The following ZNF391 variants were observed in gnomAD, a reference collection of about 807,000 sequenced individuals.
ZNF391 encodes the protein zinc finger protein 391.
For synonymous variants in ZNF391, 126 were observed against 142.1 expected, an observed-to-expected ratio of 0.89 and a Z score of 0.80; for missense variants, 375 against 425.5, an observed-to-expected ratio of 0.88 and a Z score of 1.04.
upstream of ZNF391, among the ~76,000 whole-genome samples, chr6:27,384,979 G>A (rs1354570314): frequency 6.7e-6 from 1 of 148,748 alleles, no homozygotes; most frequent in Non-Finnish European, 1.5e-5. Context: ...TCGCGCCACT[G>A]CACTCCAACC....
At chr6:27,395,126 C>T (rs1295951654) in intron 1 of ZNF391, 3 of 151,806 alleles carry the variant, frequency 2.0e-5, no homozygotes, top group African/African-American at 4.8e-5. Flanking sequence ...TGAGCAGTCC[C>T]CTAAAAATAC....
At chr6:27,387,588 T>C (rs1320990967), upstream of ZNF391, among the ~76,000 whole-genome samples, 1 of 152,220 alleles carries the variant, frequency 6.6e-6, no homozygotes. Context: ...TGCTGCAGTA[T>C]GAATGAACCT....
chr6:27,386,265 C>G (rs549637476), upstream of ZNF391, among the ~76,000 whole-genome samples: 1 of 152,090 alleles, frequency 6.6e-6, no homozygotes, highest in Admixed American at 6.5e-5. Flanking sequence ...TTAAAGAAGA[C>G]CTAAATAATT....
At chr6:27,392,802 G>A (rs995968283) in intron 1 of ZNF391, among the ~76,000 whole-genome samples, 1 of 152,242 alleles carries the variant, frequency 6.6e-6, no homozygotes, top group Non-Finnish European at 1.5e-5. Flanking sequence ...AGTATAATGA[G>A]TTTGAATCTA....
Position 27,401,482 on chromosome 6 carries a change from C to T in ZNF391, c.*35C>T, listed in dbSNP as rs1271367754. 1.3e-6 allele frequency: 2 copies of T among 1,486,244 alleles called. No individual in the cohort carries two copies. Among genetic ancestry groups the T allele is most frequent in the Admixed American group, 3.9e-5 (2 of 51,820 alleles). The allele number at this position is 1,486,244 out of a possible 1,614,324, so 92.1% of individuals were successfully genotyped here. ...TTTTATTAATGTTAGCATAAGAACACATATACCTAACCTCCCACCACTGAA... is the reference window on the plus strand; with the variant it reads ...TTTTATTAATGTTAGCATAAGAACATATATACCTAACCTCCCACCACTGAA... On this transcript the variant is annotated 3_prime_UTR_variant, in exon 3 of 3. Coordinates refer to ENST00000244576, the MANE Select transcript of ZNF391 (RefSeq NM_001076781.3).
intron 1 of ZNF391, among the ~76,000 whole-genome samples, chr6:27,381,335 C>T (rs1374184390): frequency 4.6e-5 from 7 of 152,290 alleles, no homozygotes; most frequent in African/African-American, 1.7e-4. Context: ...TTGCCCGGGG[C>T]CGGCAGGTGC....
chr6:27,402,319 C>G lies in ZNF391; in HGVS notation c.*872C>G, dbSNP rs1376438928. The G allele has an allele frequency of 2.0e-5, 3 of 152,098 alleles. No individual in the cohort carries two copies. The highest frequency in any genetic ancestry group is 7.2e-5 in the African/African-American group (3 of 41,412). The allele number at this position is 152,098 out of a possible 1,614,324, so 9.4% of individuals were successfully genotyped here. On this transcript the variant is annotated 3_prime_UTR_variant, in exon 3 of 3. Coordinates refer to ENST00000244576, the MANE Select transcript of ZNF391 (RefSeq NM_001076781.3). ...CTCACCAATCTTGGAAGATTGATCT[C>G]TCAAGGACAAACCCAGTGCCTATTT...
intron 1 of ZNF391, among the ~76,000 whole-genome samples, chr6:27,382,707 T>C (rs1761528510): frequency 6.6e-6 from 1 of 152,146 alleles, no homozygotes; most frequent in African/African-American, 2.4e-5. Context: ...AAAGAAATGC[T>C]AGAGATCAAA....
At chr6:27,382,859 C>T (rs1332068498) in intron 1 of ZNF391, among the ~76,000 whole-genome samples, 1 of 152,154 alleles carries the variant, frequency 6.6e-6, no homozygotes, top group Non-Finnish European at 1.5e-5. Flanking sequence ...GTGGCTCATA[C>T]TTGTAATCCC....
intron 1 of ZNF391, chr6:27,395,224 T>C (rs1180207549): frequency 6.6e-6 from 1 of 152,158 alleles, no homozygotes; most frequent in East Asian, 1.9e-4. Flanking sequence ...TCAAATCTCA[T>C]GTTGAATTGT....
At chr6:27,392,779 A>G (rs1477218986) in intron 1 of ZNF391, among the ~76,000 whole-genome samples, 4 of 152,250 alleles carry the variant, frequency 2.6e-5, no homozygotes, top group African/African-American at 4.8e-5. Context: ...TTGAGAAGCA[A>G]CACATACTGT....
At chr6:27,375,602 T>C (rs1353404909) in intron 1 of ZNF391, among the ~76,000 whole-genome samples, 2 of 152,218 alleles carry the variant, frequency 1.3e-5, no homozygotes, top group African/African-American at 4.8e-5. Flanking sequence ...ACACTGTATG[T>C]CAGGCTCTCT....
In ZNF391 at chr6:27,376,877, T is replaced by C. The variant is rs1192008723; in HGVS notation, n.523+1740T>C. Among the ~76,000 whole-genome samples the C allele has an allele frequency of 2.6e-5, 4 of 152,024 alleles. No individual in the cohort carries two copies. Among genetic ancestry groups the C allele is most frequent in the African/African-American group, 9.7e-5 (4 of 41,404 alleles). ...CAAAATAAATAAATAAATAATAAAA[T>C]ACGTACACATTCTTGTGAAGTTTGT... On this transcript the variant is annotated intron_variant and non_coding_transcript_variant, in intron 1 of 2. Coordinates refer to the ZNF391 transcript ENST00000477999. The surrounding 1 kb of genome is among the most constrained non-coding windows in gnomAD (Gnocchi z 4.7).
rs137984824 is a variant in ZNF391 at position 27,376,062 on chromosome 6, T to C, written n.523+925T>C. 6.6e-6 allele frequency among the ~76,000 whole-genome samples: 1 copy of C among 152,324 alleles called. No homozygotes were observed. The highest frequency in any genetic ancestry group is 1.9e-4 in the East Asian group (1 of 5,182). Reference sequence around the variant, plus strand: ...TGGAGAAGATATTTCCTGCTATACCTGAAGTGTGAAACAGTTGTATGTTTC... The same window carrying C: ...TGGAGAAGATATTTCCTGCTATACCCGAAGTGTGAAACAGTTGTATGTTTC... On this transcript the variant is annotated intron_variant and non_coding_transcript_variant, in intron 1 of 2. Coordinates refer to the ZNF391 transcript ENST00000477999. This position sits in a 1 kb window ranked among gnomAD's most constrained non-coding sequence, Gnocchi z 4.7.
At chr6:27,384,756 G>A (rs962363805), upstream of ZNF391, among the ~76,000 whole-genome samples, 24 of 152,132 alleles carry the variant, frequency 1.6e-4, no homozygotes, top group African/African-American at 5.8e-4. Context: ...TGTGGCTCAT[G>A]CCTGTAATCC....
Position 27,401,373 on chromosome 6 carries a change from TG to T in ZNF391, c.1004del (p.Cys335LeufsTer14), listed in dbSNP as rs1016119424. On this transcript the variant is annotated frameshift_variant, in exon 3 of 3. Transcript: ENST00000244576. LOFTEE classifies it high-confidence loss of function. ...TCATACCGGGGAGAAGCCGTACAAATGTAATGACTGTGGAAAAGCCTTCTGT... is the reference window on the plus strand; with the variant it reads ...TCATACCGGGGAGAAGCCGTACAAATTAATGACTGTGGAAAAGCCTTCTGT... ...RTHTGEKPYKCNDCGKAFCQS... is the reference protein window; with the variant it reads ...RTHTGEKPYKXNDCGKAFCQS... The T allele has an allele frequency of 5.5e-5, 88 of 1,613,774 alleles. 1 individual carries two copies. Among genetic ancestry groups the T allele is most frequent in the Non-Finnish European group, 6.9e-5 (81 of 1,180,034 alleles).
At chr6:27,381,411 G>A (rs1190024624) in intron 1 of ZNF391, among the ~76,000 whole-genome samples, 5 of 152,352 alleles carry the variant, frequency 3.3e-5, no homozygotes, top group East Asian at 3.9e-4. Flanking sequence ...AGCACCGCGC[G>A]CAGCCCCAGT....
intron 1 of ZNF391, among the ~76,000 whole-genome samples, chr6:27,392,493 C>A (rs1447942130): frequency 6.6e-6 from 1 of 152,194 alleles, no homozygotes; most frequent in Non-Finnish European, 1.5e-5. Context: ...CTCAGGTGAT[C>A]TGCCTACCTC....
At position 27,403,684 on chromosome 6, in the gene ZNF391, G is replaced by GT. The variant is rs1762029938; in HGVS notation, c.*2238dup. The stretch of plus-strand genomic sequence containing the variant: ...TCTTTTTAGTCTTTTGAATGATGAG[G>GT]TAACCTCATAGGTATTTTGGCCCAT... On this transcript the variant is annotated 3_prime_UTR_variant, in exon 3 of 3. Coordinates refer to ENST00000244576, the MANE Select transcript of ZNF391 (RefSeq NM_001076781.3). The GT allele has an allele frequency of 6.6e-6, 1 of 152,182 alleles. No individual in the cohort carries two copies. The highest frequency in any genetic ancestry group is 2.4e-5 in the African/African-American group (1 of 41,448). The allele number at this position is 152,182 out of a possible 1,614,324, so 9.4% of individuals were successfully genotyped here.
Sources: allele counts gnomAD v4.1 joint callset (sites outside exome capture counted in the v4.1 genomes callset), GRCh38; gene constraint gnomAD v4.1.1; non-coding constraint Gnocchi (gnomAD v3.1); transcripts MANE v1.5; gene names NCBI Gene and HGNC (gene_info 2026-07-23, HGNC 2026-07-21).